Variants in SNX2 observed in about 807,000 individuals in gnomAD.
SNX2 encodes the protein sorting nexin 2.
In SNX2, 25 loss-of-function variants were observed where a neutral mutation model predicts 69.9. That is an observed-to-expected ratio of 0.36 (90% CI 0.26 to 0.50). The LOEUF (loss-of-function observed/expected upper bound fraction) is 0.50. SNX2 is among the 20% of genes least tolerant of loss of function. The pLI is 0.97. For missense variants in SNX2, 551 were observed against 613.3 expected (o/e 0.90, Z 1.07); for synonymous variants, 229 against 200.4 (o/e 1.14, Z -1.20).
intron 7 of SNX2, among the ~76,000 whole-genome samples, chr5:122,809,909 A>G (rs186753598): frequency 2.4e-4 from 36 of 152,324 alleles, no homozygotes; most frequent in African/African-American, 5.5e-4. Context: ...AATTGCATCA[A>G]GAGAAGTTTA....
chr5:122,775,351 C>T, intron 1 of SNX2, 140 bp downstream of exon 1: 8 of 1,380,336 alleles, frequency 5.8e-6, no homozygotes, highest in Non-Finnish European at 7.6e-6. Context: ...GCCCCACCTC[C>T]GGTGCCTGTC....
At position 122,817,343 on chromosome 5, in the gene SNX2, A is replaced by C. The variant is rs1192653034; in HGVS notation, c.976A>C (p.Ser326Arg). Reference protein sequence around the residue: ...LDQQLRKLHVSVEALVCHRKE... With the variant: ...LDQQLRKLHVRVEALVCHRKE... ...TCAGCAACTTAGGAAACTTCATGTCAGTGTTGAAGCCTTGGTCTGTCATAG... is the reference window on the plus strand; with the variant it reads ...TCAGCAACTTAGGAAACTTCATGTCCGTGTTGAAGCCTTGGTCTGTCATAG... Residue 326 changes from serine (S) to arginine (R), a missense_variant, in exon 10 of 15, where the codon AGT becomes CGT. Ser to Arg is a moderately radical substitution (Grantham distance 110). Coordinates refer to ENST00000379516, the MANE Select transcript of SNX2 (RefSeq NM_003100.4). 1 of 1,613,876 alleles carries C rather than the reference A, an allele frequency of 6.2e-7. No individual in the cohort carries two copies. Among genetic ancestry groups the C allele is most frequent in the Non-Finnish European group, 8.5e-7 (1 of 1,179,910 alleles).
chr5:122,818,877 G>T lies in SNX2; in HGVS notation c.1066G>T (p.Asp356Tyr), dbSNP rs1254761416. The change falls in exon 11 of 15, where the codon GAT (aspartate) becomes TAT (tyrosine). Residue 356 changes from aspartate to tyrosine, a missense_variant. Around this residue, in one of 2 missense-constraint regions of SNX2, gnomAD observed 360 missense variants for 450.4 expected, o/e 0.80. Transcript: ENST00000379516. Reference protein sequence around the residue: ...KSAAMLGNSEDHTALSRALSQ... With the variant: ...KSAAMLGNSEYHTALSRALSQ... ...TGCTGCCATGTTAGGTAATTCTGAGGATCATACTGCTTTATCTAGAGCTTT... is the reference window on the plus strand; with the variant it reads ...TGCTGCCATGTTAGGTAATTCTGAGTATCATACTGCTTTATCTAGAGCTTT... The T allele has an allele frequency of 1.2e-6, 2 of 1,613,828 alleles. No homozygotes were observed. The highest frequency in any genetic ancestry group is 1.7e-6 in the Non-Finnish European group (2 of 1,179,930).
intron 3 of SNX2, among the ~76,000 whole-genome samples, chr5:122,800,475 ATACT>A (rs1289854775): frequency 6.6e-6 from 1 of 152,230 alleles, no homozygotes; most frequent in African/African-American, 2.4e-5. Flanking sequence ...ACATAAAAGA[ATACT>A]TACATAATTC....
chr5:122,782,593 T>G (rs937128752), intron 1 of SNX2, among the ~76,000 whole-genome samples: 1 of 149,038 alleles, frequency 6.7e-6, no homozygotes, highest in Non-Finnish European at 1.5e-5. Flanking sequence ...TAGAGAGCAG[T>G]TGGCACAATC....
chr5:122,806,142 G>GCGCGCACACACACACACACACACA, intron 6 of SNX2, among the ~76,000 whole-genome samples: 34 of 130,652 alleles, frequency 2.6e-4, no homozygotes, highest in Non-Finnish European at 4.8e-4. Context: ...ACACGCGCGC[G>GCGCGCACACACACACACACACACA]CACACACACA....
chr5:122,795,816 C>T (rs17149627), intron 2 of SNX2, among the ~76,000 whole-genome samples: 15,826 of 152,094 alleles, frequency 0.1, 1,234 homozygotes, highest in East Asian at 0.36. Flanking sequence ...ACCATCTGTT[C>T]CATTTGACCC....
At chr5:122,787,934 A>T (rs1026158074) in intron 1 of SNX2, among the ~76,000 whole-genome samples, 1 of 152,210 alleles carries the variant, frequency 6.6e-6, no homozygotes, top group Non-Finnish European at 1.5e-5. Flanking sequence ...TATTTTAAAG[A>T]ACTTAAGAGG....
rs773490278 is a variant in SNX2, at chr5:122,834,473, A to G, written c.*4825A>G. On this transcript the variant is annotated 3_prime_UTR_variant, in exon 15 of 15. Transcript: ENST00000379516. ...TAAACCGTTTTAAGAGAGTTGAGAA[A>G]AAATAAAGTTCTATTTTAAATTTAT... 9 of 152,220 alleles carry G rather than the reference A, an allele frequency of 5.9e-5. No individual in the cohort carries two copies. The highest frequency in any genetic ancestry group is 1.0e-4 in the Non-Finnish European group (7 of 68,022). The allele number at this position is 152,220 out of a possible 1,614,324, so 9.4% of individuals were successfully genotyped here.
intron 11 of SNX2, among the ~76,000 whole-genome samples, chr5:122,823,712 ATGTGGGTGTGTGTGTG>A (rs2150017083): frequency 1.5e-5 from 1 of 65,452 alleles, no homozygotes; most frequent in Non-Finnish European, 2.5e-5. Flanking sequence ...GGTCGTGTGT[ATGTGGGTGTGTGTGTG>A]TGTGTGTGTC....
At chr5:122,793,764 TTAGC>T (rs1407074103) in intron 1 of SNX2, among the ~76,000 whole-genome samples, 2 of 149,190 alleles carry the variant, frequency 1.3e-5, no homozygotes, top group Non-Finnish European at 3.0e-5. Context: ...CAAAAAAAAA[TTAGC>T]TGGGCGTGAT....
At chr5:122,808,495 C>T in intron 7 of SNX2, 140 bp downstream of exon 7, 1 of 548,898 alleles carries the variant, frequency 1.8e-6, no homozygotes, top group Non-Finnish European at 3.2e-6. Context: ...CTGCTTTAAA[C>T]TTTTTTAAGA....
intron 5 of SNX2, among the ~76,000 whole-genome samples, chr5:122,802,858 G>A (rs568045562): frequency 3.3e-5 from 5 of 152,296 alleles, no homozygotes; most frequent in East Asian, 1.9e-4. Flanking sequence ...GGACTTGGAT[G>A]TAATGGGTGA....
At chr5:122,802,361 G>A (rs1301678373) in intron 5 of SNX2, among the ~76,000 whole-genome samples, 1 of 152,146 alleles carries the variant, frequency 6.6e-6, no homozygotes, top group African/African-American at 2.4e-5. Flanking sequence ...ATAGGTGAGG[G>A]AAATGATGGG....
At chr5:122,799,089 G>C (rs13159710) in intron 2 of SNX2, among the ~76,000 whole-genome samples, 2 of 151,888 alleles carry the variant, frequency 1.3e-5, no homozygotes, top group Non-Finnish European at 2.9e-5. Context: ...GATTTGGTTT[G>C]ATTTTTTAAA....
chr5:122,816,324 C>A lies in SNX2; in HGVS notation c.798+353C>A, dbSNP rs951542779. The stretch of plus-strand genomic sequence containing the variant: ...GAAAGTTGAATGTGTATTTGCTTGT[C>A]TACATTTTGGTATCCTTATTAAGGT... On this transcript the variant is annotated intron_variant, in intron 8 of 14. Transcript: ENST00000379516. Among the ~76,000 whole-genome samples the A allele has an allele frequency of 1.1e-4, 16 of 152,224 alleles. No homozygotes were observed. The East Asian group carries it at 3.1e-3, about 29-fold the overall frequency.
At chr5:122,820,011 G>A (rs996804017) in intron 11 of SNX2, among the ~76,000 whole-genome samples, 1 of 152,044 alleles carries the variant, frequency 6.6e-6, no homozygotes, top group African/African-American at 2.4e-5. Context: ...TAATGCTGTT[G>A]GTGATTAATT....
At chr5:122,803,785 G>T in intron 6 of SNX2, 172 bp downstream of exon 6, 2 of 508,222 alleles carry the variant, frequency 3.9e-6, no homozygotes, top group Admixed American at 4.0e-5. Flanking sequence ...AGAATGTATT[G>T]GTAATAGTTT....
At chr5:122,789,467 ACACACG>A (rs1561445881) in intron 1 of SNX2, among the ~76,000 whole-genome samples, 1 of 124,018 alleles carries the variant, frequency 8.1e-6, no homozygotes, top group Non-Finnish European at 1.6e-5. Flanking sequence ...ACACACAGAC[ACACACG>A]GACACACACA....
Sources: gnomAD v4.1 joint callset for allele counts (sites outside exome capture counted in the v4.1 genomes callset) on GRCh38, gnomAD v4.1.1 for gene constraint, gnomAD v4.1.1 regional missense constraint, MANE v1.5 for transcripts, NCBI Gene and HGNC (gene_info 2026-07-23, HGNC 2026-07-21) for gene names.